ISCA1: variants seen among roughly 807,000 people sequenced by gnomAD.
ISCA1 encodes iron-sulfur cluster assembly 1 homolog, mitochondrial.
In ISCA1, 9 loss-of-function variants were observed where a neutral mutation model predicts 14.7. That is an observed-to-expected ratio of 0.61 (90% CI 0.37 to 1.07). The LOEUF is 1.07. Among genes scored for constraint, ISCA1 ranks in the 50% least tolerant of loss-of-function variants. The pLI, the probability that ISCA1 is intolerant of heterozygous loss-of-function variation, is 0.01. For synonymous variants in ISCA1, 38 were observed against 54.3 expected, an observed-to-expected ratio of 0.70 and a Z score of 1.32; for missense variants, 102 against 150.1, an observed-to-expected ratio of 0.68 and a Z score of 1.67.
chr9:86,268,443 C>CAAAAAA (rs35902983), intron 3 of ISCA1, among the ~76,000 whole-genome samples: 2 of 82,184 alleles, frequency 2.4e-5, no homozygotes, highest in African/African-American at 9.8e-5. Flanking sequence ...ACAAAAGAGT[C>CAAAAAA]AAAAAAAAAA....
At position 86,265,389 on chromosome 9, in the gene ISCA1, GAATC is replaced by G. The variant is rs1825282364; in HGVS notation, c.*650_*653del. The G allele has an allele frequency of 6.6e-6, 1 of 152,410 alleles. No individual in the cohort carries two copies. Among genetic ancestry groups the G allele is most frequent in the East Asian group, 1.9e-4 (1 of 5,162 alleles). 9.4% of individuals were successfully genotyped at this position (152,410 alleles called of 1,614,324 possible). A position where few individuals can be genotyped will look rare whatever the true frequency, so the allele number is the denominator to read the frequency against. On this transcript the variant is annotated 3_prime_UTR_variant, in exon 4 of 4. Coordinates refer to ENST00000375991, the MANE Select transcript of ISCA1 (RefSeq NM_030940.4). Reference sequence around the variant, plus strand: ...GCTTTAAGAGACTTCTCAACTAAAAGAATCAAAGTCAGCTTGAGAGCCCATCTCT... The same window carrying G: ...GCTTTAAGAGACTTCTCAACTAAAAGAAAGTCAGCTTGAGAGCCCATCTCT...
intron 3 of ISCA1, among the ~76,000 whole-genome samples, chr9:86,271,121 C>G (rs1157160027): frequency 6.6e-6 from 1 of 151,848 alleles, no homozygotes; most frequent in Non-Finnish European, 1.5e-5. Flanking sequence ...AGAAATTTCA[C>G]TATACTTTTT....
chr9:86,274,798 G>T (rs186722094), intron 1 of ISCA1, among the ~76,000 whole-genome samples: 1 of 152,134 alleles, frequency 6.6e-6, no homozygotes, highest in Admixed American at 6.5e-5. Flanking sequence ...CCCACCAAAT[G>T]CTCACATAGA....
intron 1 of ISCA1, among the ~76,000 whole-genome samples, chr9:86,280,340 C>T (rs1825493979): frequency 6.6e-6 from 1 of 152,076 alleles, no homozygotes; most frequent in African/African-American, 2.4e-5. Flanking sequence ...GATCCCAGCA[C>T]TTTGGGAGGC....
intron 1 of ISCA1, among the ~76,000 whole-genome samples, chr9:86,276,682 C>T (rs1331516050): frequency 6.6e-6 from 1 of 151,846 alleles, no homozygotes; most frequent in Non-Finnish European, 1.5e-5. Context: ...ACCAGCCTGG[C>T]CAACATGGTG....
intron 1 of ISCA1, among the ~76,000 whole-genome samples, chr9:86,280,261 A>C (rs1286288871): frequency 6.6e-6 from 1 of 152,084 alleles, no homozygotes; most frequent in East Asian, 1.9e-4. Flanking sequence ...CTGAATGACT[A>C]GGAATGGAGA....
rs527257889 is a variant in ISCA1 at position 86,274,192 on chromosome 9, C to T, written c.132G>A (p.Glu44=). 44 of 1,562,606 alleles carry T rather than the reference C, an allele frequency of 2.8e-5. No homozygotes were observed. The South Asian group carries it at 3.0e-4, about 11-fold the overall frequency. The change falls in exon 2 of 4, where the codon GAG becomes GAA. Residue 44 remains glutamate (E), a synonymous_variant. Coordinates refer to ENST00000375991, the MANE Select transcript of ISCA1 (RefSeq NM_030940.4). ...ATAATTAACTGGTTTTACTTACATG[C>T]TCAGGCTTATCTTTAAGAAGTTGTT... ...KIKQLLKDKP[E]HVGVKVGVRT...
At chr9:86,273,779 G>A (rs561327019) in intron 2 of ISCA1, among the ~76,000 whole-genome samples, 24 of 152,270 alleles carry the variant, frequency 1.6e-4, no homozygotes, top group African/African-American at 5.3e-4. Context: ...CGTATCGGTG[G>A]GTTCCACATA....
intron 3 of ISCA1, 67 bp downstream of exon 3, chr9:86,271,940 T>C: frequency 2.5e-6 from 2 of 815,932 alleles, no homozygotes; most frequent in Non-Finnish European, 4.2e-6. Flanking sequence ...TTTTTTACTT[T>C]GTGCTGTGCA....
intron 1 of ISCA1, among the ~76,000 whole-genome samples, chr9:86,278,429 C>T (rs748448704): frequency 6.6e-6 from 1 of 151,908 alleles, no homozygotes; most frequent in Non-Finnish European, 1.5e-5. Flanking sequence ...CTTTGGGAGG[C>T]CAAGGTGGGA....
chr9:86,271,523 G>C (rs1825368494), intron 3 of ISCA1, among the ~76,000 whole-genome samples: 1 of 152,102 alleles, frequency 6.6e-6, no homozygotes, highest in Admixed American at 6.5e-5. Flanking sequence ...TTTTGAATTT[G>C]GGAGCATTTC....
intron 3 of ISCA1, 60 bp from the exon 4 acceptor site, chr9:86,266,251 C>A: frequency 1.3e-6 from 2 of 1,530,424 alleles, no homozygotes; most frequent in South Asian, 1.3e-5. Context: ...CTTGCTGATT[C>A]AAAGCACAAG....
Position 86,267,628 on chromosome 9 carries a change from T to C in ISCA1, c.242-1437A>G, listed in dbSNP as rs1221626550. On this transcript the variant is annotated intron_variant, in intron 3 of 3. Transcript: ENST00000375991. ...AATAGCTTTGAATAAAAATTGGAAA[T>C]ACAGGATTCCTCAAAAACATGAGTT... 4.6e-6 allele frequency: 4 copies of C among 868,600 alleles called. No homozygotes were observed. The African/African-American group carries it at 7.3e-5, about 16-fold the overall frequency. 53.8% of individuals were successfully genotyped at this position (868,600 alleles called of 1,614,324 possible).
In ISCA1 at chr9:86,282,397, G is replaced by A. The variant is rs1461778142; in HGVS notation, c.62C>T (p.Thr21Ile). 1.9e-6 allele frequency: 3 copies of A among 1,552,506 alleles called. No individual in the cohort carries two copies. Among genetic ancestry groups the A allele is most frequent in the South Asian group, 2.4e-5 (2 of 84,312 alleles). The change falls in exon 1 of 4, where the codon ACC becomes ATC. Residue 21 changes from threonine to isoleucine, a missense_variant. Physicochemically the swap from Thr to Ile is moderately conservative, Grantham distance 89. Coordinates refer to ENST00000375991, the MANE Select transcript of ISCA1 (RefSeq NM_030940.4). ...ACTCACCAGGGTGAGGGCTGCCCGG[G>A]TGGGCTGCAGCTTCCTCTTGCTCAC... ...RAVSKRKLQP[T>I]RAALTLTPSA...
intron 1 of ISCA1, 78 bp from the exon 2 acceptor site, chr9:86,274,320 T>C (rs1825412358): frequency 6.4e-6 from 6 of 940,498 alleles, no homozygotes; most frequent in Admixed American, 4.3e-5. Flanking sequence ...CGTAAGTCTG[T>C]CTTTAGCAAA....
rs566679381 is a variant in ISCA1, at chr9:86,265,979, T to G, written c.*64A>C. ...CAGCACGTGACAGTCACATGATTTC[T>G]GCAGTGAGCCCCAAAGCTTCCACGA... On this transcript the variant is annotated 3_prime_UTR_variant, in exon 4 of 4. Transcript: ENST00000375991. 5.6e-6 allele frequency: 9 copies of G among 1,606,264 alleles called. No homozygotes were observed. The African/African-American group carries it at 1.2e-4, about 21-fold the overall frequency.
In ISCA1 at chr9:86,264,941, C is replaced by T. The variant is rs532619172; in HGVS notation, c.*1102G>A. ...ACCGAGGAACCAGAAAATGTATGCA[C>T]ACTGGGAATTTTAACAAAAGATTAC... On this transcript the variant is annotated 3_prime_UTR_variant, in exon 4 of 4. Transcript: ENST00000375991. The T allele has an allele frequency of 3.9e-5, 6 of 152,272 alleles. No homozygotes were observed. The East Asian group carries it at 1.2e-3, about 29-fold the overall frequency. 9.4% of individuals were successfully genotyped at this position (152,272 alleles called of 1,614,324 possible).
intron 1 of ISCA1, among the ~76,000 whole-genome samples, chr9:86,275,131 T>C (rs1269575427): frequency 6.6e-6 from 1 of 152,158 alleles, no homozygotes; most frequent in Non-Finnish European, 1.5e-5. Context: ...TTCCTCCTCC[T>C]CCTGATTCTT....
At chr9:86,270,844 C>CA (rs1359022746) in intron 3 of ISCA1, among the ~76,000 whole-genome samples, 1 of 146,126 alleles carries the variant, frequency 6.8e-6, no homozygotes, top group Admixed American at 7.0e-5. Context: ...ATCGCAAGGA[C>CA]AAAAAACCAA....
Sources: gnomAD v4.1 joint callset for allele counts (sites outside exome capture counted in the v4.1 genomes callset) on GRCh38, gnomAD v4.1.1 for gene constraint, MANE v1.5 for transcripts, NCBI Gene and HGNC (gene_info 2026-07-23, HGNC 2026-07-21) for gene names.